PAK5: variants seen among roughly 807,000 people sequenced by gnomAD.
PAK5 encodes p21 (RAC1) activated kinase 5.
A neutral mutation model predicts 65.9 loss-of-function variants in PAK5; 16 were observed. The observed-to-expected ratio is 0.24, with a 90% CI of 0.16 to 0.37. The LOEUF is 0.37. Among genes scored for constraint, PAK5 ranks in the 10% least tolerant of loss-of-function variants. The pLI, the probability that PAK5 is intolerant of heterozygous loss-of-function variation, is 1.00. For synonymous variants in PAK5, 371 were observed against 354.9 expected, an observed-to-expected ratio of 1.05 and a Z score of -0.51; for missense variants, 785 against 903.9, an observed-to-expected ratio of 0.87 and a Z score of 1.69.
At chr20:9,683,032 A>G (rs1243188316) in intron 2 of PAK5, among the ~76,000 whole-genome samples, 1 of 152,256 alleles carries the variant, frequency 6.6e-6, no homozygotes, top group Non-Finnish European at 1.5e-5. Context: ...ACACTTGGAT[A>G]CTAATAGTTG....
intron 1 of PAK5, among the ~76,000 whole-genome samples, chr20:9,825,607 T>C (rs2049474978): frequency 6.6e-6 from 1 of 152,148 alleles, no homozygotes. Context: ...CAACAGAAAT[T>C]TTAAAAAAAT....
At chr20:9,816,860 G>T (rs560672182) in intron 1 of PAK5, among the ~76,000 whole-genome samples, 25 of 152,102 alleles carry the variant, frequency 1.6e-4, no homozygotes, top group Non-Finnish European at 3.1e-4. Flanking sequence ...TTTTTCTACT[G>T]TAACCATTAC....
At chr20:9,777,336 C>T (rs1254558628) in intron 1 of PAK5, among the ~76,000 whole-genome samples, 1 of 152,086 alleles carries the variant, frequency 6.6e-6, no homozygotes, top group African/African-American at 2.4e-5. Flanking sequence ...TGGGAAGAAC[C>T]CGGTGGGAGG....
chr20:9,697,340 C>A (rs2047882479), intron 2 of PAK5, among the ~76,000 whole-genome samples: 1 of 152,026 alleles, frequency 6.6e-6, no homozygotes, highest in Admixed American at 6.6e-5. Flanking sequence ...TCTCTCTCCC[C>A]TCTACACACA....
intron 1 of PAK5, among the ~76,000 whole-genome samples, chr20:9,729,534 T>TAGCA (rs1192354884): frequency 2.7e-4 from 41 of 152,066 alleles, no homozygotes; most frequent in African/African-American, 9.9e-4. Context: ...CCACAGGTGG[T>TAGCA]CAATGGAATG....
In PAK5 at chr20:9,599,845, T is replaced by G. The variant is rs541300111; in HGVS notation, c.205-18915A>C. On this transcript the variant is annotated intron_variant, in intron 3 of 9. Transcript: ENST00000353224. ...CAGTGTAATTCAGTGCAAAAAGTTT[T>G]GCATTTTGATAAGTCTAATTTATCA... 1.6e-4 allele frequency among the ~76,000 whole-genome samples: 25 copies of G among 152,326 alleles called. No homozygotes were observed. In the South Asian group the frequency reaches 5.0e-3, roughly 30 times the overall value.
chr20:9,577,025 G>T (rs1437083482), intron 4 of PAK5, among the ~76,000 whole-genome samples: 1 of 152,198 alleles, frequency 6.6e-6, no homozygotes, highest in Non-Finnish European at 1.5e-5. Flanking sequence ...ATACATGGCG[G>T]CAATTTCTCC....
At chr20:9,785,839 A>T (rs1215852309) in intron 1 of PAK5, among the ~76,000 whole-genome samples, 1 of 152,172 alleles carries the variant, frequency 6.6e-6, no homozygotes, top group Non-Finnish European at 1.5e-5. Context: ...ATGTCTGTAG[A>T]TGATGTCAAA....
At chr20:9,744,820 C>T (rs930112933) in intron 1 of PAK5, among the ~76,000 whole-genome samples, 1 of 152,190 alleles carries the variant, frequency 6.6e-6, no homozygotes, top group African/African-American at 2.4e-5. Flanking sequence ...GTTTCCACAT[C>T]ACTCTCAAAT....
At chr20:9,629,158 C>G (rs1356338020) in intron 3 of PAK5, among the ~76,000 whole-genome samples, 1 of 152,196 alleles carries the variant, frequency 6.6e-6, no homozygotes, top group Non-Finnish European at 1.5e-5. Context: ...CAGCTGACAC[C>G]TGAATTTCAG....
chr20:9,599,069 T>C (rs897723135), intron 3 of PAK5, among the ~76,000 whole-genome samples: 3 of 152,204 alleles, frequency 2.0e-5, no homozygotes, highest in Non-Finnish European at 4.4e-5. Context: ...CTACTTTCTG[T>C]TTCTATGACT....
intron 3 of PAK5, among the ~76,000 whole-genome samples, chr20:9,626,420 T>G (rs1426028461): frequency 1.3e-5 from 2 of 152,236 alleles, no homozygotes; most frequent in Non-Finnish European, 2.9e-5. Flanking sequence ...CAACGATATT[T>G]AACTTGTGAG....
intron 3 of PAK5, among the ~76,000 whole-genome samples, chr20:9,603,116 G>A (rs1250345265): frequency 2.0e-5 from 3 of 152,222 alleles, no homozygotes; most frequent in East Asian, 3.9e-4. Context: ...AAGGAATGGT[G>A]CCCTGGAGGG....
At chr20:9,751,263 A>G (rs922094064) in intron 1 of PAK5, among the ~76,000 whole-genome samples, 1 of 152,106 alleles carries the variant, frequency 6.6e-6, no homozygotes, top group Non-Finnish European at 1.5e-5. Context: ...GATGCTTTCC[A>G]TCTCGGGAGA....
At chr20:9,674,170 AG>A (rs1188619168) in intron 2 of PAK5, among the ~76,000 whole-genome samples, 1 of 152,198 alleles carries the variant, frequency 6.6e-6, no homozygotes, top group African/African-American at 2.4e-5. Flanking sequence ...GCCTTGCTGA[AG>A]GGAGTAAGAC....
chr20:9,566,554 T>A (rs1206146013), intron 4 of PAK5, among the ~76,000 whole-genome samples, 170 bp from the exon 5 acceptor site: 1 of 151,942 alleles, frequency 6.6e-6, no homozygotes, highest in Non-Finnish European at 1.5e-5. Flanking sequence ...GGGCCTTCTG[T>A]GGTGCACGTG....
intron 9 of PAK5, among the ~76,000 whole-genome samples, chr20:9,539,878 C>T (rs11907269): frequency 0.15 from 22,151 of 152,114 alleles, 2,247 homozygotes; most frequent in African/African-American, 0.28. Context: ...ATAACAGTGG[C>T]AATCACAGTG....
intron 1 of PAK5, among the ~76,000 whole-genome samples, chr20:9,731,435 A>G (rs531524725): frequency 6.6e-6 from 1 of 152,264 alleles, no homozygotes; most frequent in South Asian, 2.1e-4. Flanking sequence ...TGCTTTCAGC[A>G]CAAATCAATT....
chr20:9,562,092 C>T (rs549590115), intron 6 of PAK5, among the ~76,000 whole-genome samples: 6 of 152,136 alleles, frequency 3.9e-5, no homozygotes, highest in Non-Finnish European at 7.3e-5. Flanking sequence ...AACTCCTATT[C>T]GCTCTCAAAA....
Sources: allele counts gnomAD v4.1 joint callset (sites outside exome capture counted in the v4.1 genomes callset), GRCh38; gene constraint gnomAD v4.1.1; transcripts MANE v1.5; gene names NCBI Gene and HGNC (gene_info 2026-07-23, HGNC 2026-07-21).